DHRS7B: variants seen among roughly 807,000 people sequenced by gnomAD.
The protein encoded by DHRS7B is dehydrogenase/reductase 7B.
Under a neutral mutation model 26.4 loss-of-function variants are expected in DHRS7B, and 24 were observed. The ratio of observed to expected loss-of-function variants is 0.91; its 90% CI spans 0.66 to 1.28. DHRS7B has a LOEUF of 1.28. DHRS7B is among the 50% of genes most tolerant of loss of function. The probability of loss-of-function intolerance (pLI) is 0.00; values close to 1 mark genes in which losing one functional copy is unlikely to be tolerated. For missense variants in DHRS7B, 368 were observed against 419.4 expected (o/e 0.88, Z 1.07); for synonymous variants, 142 against 166.4 (o/e 0.85, Z 1.13).
chr17:21,161,202 C>T (rs2144058331), intron 1 of DHRS7B, among the ~76,000 whole-genome samples: 1 of 152,314 alleles, frequency 6.6e-6, no homozygotes, highest in Non-Finnish European at 1.5e-5. Flanking sequence ...ACTTTGCCCT[C>T]TGGGTAACAA....
At chr17:21,157,129 C>G (rs528335574) in intron 1 of DHRS7B, among the ~76,000 whole-genome samples, 16 of 152,216 alleles carry the variant, frequency 1.1e-4, no homozygotes, top group South Asian at 8.3e-4. Context: ...ATGAATTCTA[C>G]CAAATAATTA....
At chr17:21,131,088 G>A (rs1973220487) in intron 1 of DHRS7B, among the ~76,000 whole-genome samples, 1 of 152,222 alleles carries the variant, frequency 6.6e-6, no homozygotes, top group African/African-American at 2.4e-5. Flanking sequence ...TGCTACTGGA[G>A]AAGAGTCTTG....
At chr17:21,189,768 G>A (rs147267998) in intron 6 of DHRS7B, among the ~76,000 whole-genome samples, 16 of 152,282 alleles carry the variant, frequency 1.1e-4, no homozygotes, top group African/African-American at 3.4e-4. Context: ...TTATCTCTGC[G>A]GCATTTAAAA....
chr17:21,159,414 A>AT (rs59017040), intron 1 of DHRS7B, among the ~76,000 whole-genome samples: 90 of 144,844 alleles, frequency 6.2e-4, no homozygotes, highest in Admixed American at 3.4e-3. Context: ...CGCCCGGCTA[A>AT]TTTTTTTTTT....
rs1974432027 is a variant in DHRS7B at position 21,178,345 on chromosome 17, G to A, written c.309+3G>A. On this transcript the variant is annotated splice_donor_region_variant and intron_variant, in intron 3 of 6. Transcript: ENST00000395511. Reference sequence around the variant, plus strand: ...TCACCGCTTCTCATGCCACCAAGGTGAGCCAGGGGCGTGCTTTCCATGGGG... The same window carrying A: ...TCACCGCTTCTCATGCCACCAAGGTAAGCCAGGGGCGTGCTTTCCATGGGG... 6.2e-7 allele frequency: 1 copy of A among 1,613,112 alleles called. No individual in the cohort carries two copies. Among genetic ancestry groups the A allele is most frequent in the African/African-American group, 1.3e-5 (1 of 75,026 alleles).
intron 1 of DHRS7B, among the ~76,000 whole-genome samples, chr17:21,136,336 G>A (rs1025002341): frequency 2.7e-5 from 4 of 148,858 alleles, no homozygotes; most frequent in Non-Finnish European, 4.4e-5. Context: ...AAGACTTGGT[G>A]TCCTGTTTTA....
chr17:21,184,931 G>T (rs1974598778), intron 5 of DHRS7B, among the ~76,000 whole-genome samples: 1 of 152,126 alleles, frequency 6.6e-6, no homozygotes, highest in Admixed American at 6.5e-5. Flanking sequence ...TTGCTTTGTG[G>T]CTTGTTAATC....
intron 1 of DHRS7B, among the ~76,000 whole-genome samples, chr17:21,151,163 A>G (rs1412659660): frequency 6.6e-6 from 1 of 152,146 alleles, no homozygotes; most frequent in Non-Finnish European, 1.5e-5. Flanking sequence ...ATTATAAGAA[A>G]TGGCCGCAGG....
chr17:21,161,952 T>G (rs1204783875), intron 1 of DHRS7B, among the ~76,000 whole-genome samples: 3 of 152,040 alleles, frequency 2.0e-5, no homozygotes, highest in African/African-American at 7.3e-5. Context: ...ATATAAACTT[T>G]CAAAACCTCC....
In DHRS7B at chr17:21,154,555, A is replaced by C. The variant is rs931626198; in HGVS notation, c.21-17463A>C. ...GCAAGAAATGTAAAAAGTTTTTCGGAGAGAAAGAAAATGATATGAGTCAGA... is the reference window on the plus strand; with the variant it reads ...GCAAGAAATGTAAAAAGTTTTTCGGCGAGAAAGAAAATGATATGAGTCAGA... On this transcript the variant is annotated intron_variant, in intron 1 of 6. Transcript: ENST00000395511. Among the ~76,000 whole-genome samples, 23 of 152,330 alleles carry C rather than the reference A, an allele frequency of 1.5e-4. 1 individual carries two copies. The highest frequency in any genetic ancestry group is 2.4e-4 in the Non-Finnish European group (16 of 68,032).
chr17:21,183,557 C>T (rs753469366), intron 3 of DHRS7B, 37 bp from the exon 4 acceptor site: 12 of 1,601,330 alleles, frequency 7.5e-6, no homozygotes, highest in Middle Eastern at 2.2e-4. Context: ...TGGCCTGCCA[C>T]TCAGAAAGTG....
At chr17:21,143,949 A>G (rs1973584585) in intron 1 of DHRS7B, among the ~76,000 whole-genome samples, 1 of 152,232 alleles carries the variant, frequency 6.6e-6, no homozygotes, top group Admixed American at 6.5e-5. Context: ...TGGCACAGGA[A>G]ACAGAGAGAT....
At chr17:21,160,963 AG>A (rs1296741044) in intron 1 of DHRS7B, among the ~76,000 whole-genome samples, 1 of 152,244 alleles carries the variant, frequency 6.6e-6, no homozygotes, top group Non-Finnish European at 1.5e-5. Context: ...CAATCCGGAA[AG>A]GCTATGTACC....
intron 1 of DHRS7B, among the ~76,000 whole-genome samples, chr17:21,138,131 CAT>C (rs1391731370): frequency 3.6e-5 from 5 of 138,602 alleles, no homozygotes; most frequent in African/African-American, 1.1e-4. Context: ...CACACACACA[CAT>C]ATATTTATTG....
intron 1 of DHRS7B, among the ~76,000 whole-genome samples, chr17:21,165,993 A>G (rs1245046167): frequency 6.6e-6 from 1 of 151,822 alleles, no homozygotes; most frequent in African/African-American, 2.4e-5. Flanking sequence ...AGTAAGTGCT[A>G]TAATTGATAA....
chr17:21,185,935 AC>A (rs1974623466), intron 5 of DHRS7B, among the ~76,000 whole-genome samples: 1 of 152,116 alleles, frequency 6.6e-6, no homozygotes, highest in Non-Finnish European at 1.5e-5. Flanking sequence ...TGATCCGCCC[AC>A]CTCAGCCTCC....
At chr17:21,145,684 C>A (rs1026264500) in intron 1 of DHRS7B, among the ~76,000 whole-genome samples, 1 of 152,128 alleles carries the variant, frequency 6.6e-6, no homozygotes, top group African/African-American at 2.4e-5. Context: ...TACCTATACA[C>A]CCATTCTATT....
At chr17:21,175,722 G>A (rs1974361002) in intron 2 of DHRS7B, among the ~76,000 whole-genome samples, 1 of 152,064 alleles carries the variant, frequency 6.6e-6, no homozygotes, top group African/African-American at 2.4e-5. Context: ...AGGATCGCTT[G>A]AGTTCAGGAG....
Position 21,172,073 on chromosome 17 carries a change from C to T in DHRS7B, c.76C>T (p.Pro26Ser). 6.2e-7 allele frequency: 1 copy of T among 1,614,240 alleles called. No individual in the cohort carries two copies. The highest frequency in any genetic ancestry group is 2.2e-5 in the East Asian group (1 of 44,880). The change falls in exon 2 of 7, where the codon CCC (proline) becomes TCC (serine). Residue 26 changes from proline to serine, a missense_variant. Coordinates refer to ENST00000395511, the MANE Select transcript of DHRS7B (RefSeq NM_015510.5). ...MDFITSTAIL[P>S]LLFGCLGVFG... is the part of the protein sequence containing the mutation. ...CTTCATCACCTCCACAGCCATCCTGCCCCTGCTGTTCGGCTGCCTGGGCGT... is the reference window on the plus strand; with the variant it reads ...CTTCATCACCTCCACAGCCATCCTGTCCCTGCTGTTCGGCTGCCTGGGCGT...
Sources: gnomAD v4.1 joint callset for allele counts (sites outside exome capture counted in the v4.1 genomes callset) on GRCh38, gnomAD v4.1.1 for gene constraint, MANE v1.5 for transcripts, NCBI Gene and HGNC (gene_info 2026-07-23, HGNC 2026-07-21) for gene names.